UNC79: variants seen among roughly 807,000 people sequenced by gnomAD.
UNC79 encodes the protein protein unc-79 homolog.
A neutral mutation model predicts 283.1 loss-of-function variants in UNC79; 37 were observed. That is an observed-to-expected ratio of 0.13 (90% CI 0.10 to 0.17). The LOEUF (loss-of-function observed/expected upper bound fraction) is 0.17, where lower values mean the gene tolerates loss of function less well. Ranked by LOEUF, UNC79 falls within the 10% of genes least tolerant of loss-of-function variation. The pLI is 1.00. For synonymous variants in UNC79, 1,107 were observed against 1,200.2 expected (o/e 0.92, Z 1.61); for missense variants, 2,272 against 3,211.1 (o/e 0.71, Z 7.07).
At chr14:93,650,298 T>G (rs1163307378) in intron 35 of UNC79, among the ~76,000 whole-genome samples, 1 of 152,106 alleles carries the variant, frequency 6.6e-6, no homozygotes, top group Admixed American at 6.6e-5. Flanking sequence ...TTAAAACAAG[T>G]GTTTTTATTT....
At chr14:93,486,342 A>G (rs1208226152) in intron 4 of UNC79, among the ~76,000 whole-genome samples, 1 of 152,112 alleles carries the variant, frequency 6.6e-6, no homozygotes, top group African/African-American at 2.4e-5. Flanking sequence ...TCCTCTCTCA[A>G]TTACTGTGTT....
chr14:93,367,841 C>T (rs138124344), intron 1 of UNC79, among the ~76,000 whole-genome samples: 3 of 152,232 alleles, frequency 2.0e-5, no homozygotes, highest in South Asian at 2.1e-4. Flanking sequence ...TTTGCCTTCC[C>T]GTAGTCCATG....
intron 47 of UNC79, among the ~76,000 whole-genome samples, chr14:93,697,012 T>C (rs1359889432): frequency 6.6e-6 from 1 of 152,224 alleles, no homozygotes; most frequent in Non-Finnish European, 1.5e-5. Context: ...TCCAGCATCA[T>C]TGTTAAAAAT....
chr14:93,408,304 C>G (rs1346893592), intron 1 of UNC79, among the ~76,000 whole-genome samples: 1 of 152,140 alleles, frequency 6.6e-6, no homozygotes, highest in Non-Finnish European at 1.5e-5. Context: ...GTAGAAAACA[C>G]TAAGAAAGAT....
exon 29 of UNC79, chr14:93,618,311 C>T (rs1375070050): frequency 6.2e-7 from 1 of 1,613,840 alleles, no homozygotes; most frequent in Non-Finnish European, 8.5e-7. Context: ...GACCTTTGTA[C>T]AGTGACAACA....
intron 43 of UNC79, among the ~76,000 whole-genome samples, chr14:93,686,877 T>C (rs1247307591): frequency 6.6e-6 from 1 of 152,172 alleles, no homozygotes; most frequent in Non-Finnish European, 1.5e-5. Flanking sequence ...GCCACATGCA[T>C]AGCTTTACTT....
intron 14 of UNC79, among the ~76,000 whole-genome samples, chr14:93,563,389 C>T (rs1241443880): frequency 1.3e-5 from 2 of 152,180 alleles, no homozygotes; most frequent in African/African-American, 4.8e-5. Context: ...TAAGGAGACA[C>T]TAATGATGGA....
chr14:93,474,177 C>G lies in UNC79; in HGVS notation c.232C>G (p.Pro78Ala). ...CATGTGTCTTTTTCCTGTGCCATTC[C>G]CACTCACCCCATCTCTAAGACCGCA... The change falls in exon 3 of 49, where the codon CCA becomes GCA. Residue 78 changes from proline (P) to alanine (A), a missense_variant. Pro to Ala is a conservative substitution (Grantham distance 27, BLOSUM62 -1). Around this residue, in one of 11 missense-constraint regions of UNC79, gnomAD observed 194 missense variants for 268.9 expected, o/e 0.72. Coordinates refer to ENST00000555664, the Ensembl canonical transcript of UNC79. This position sits in a 1 kb window ranked among gnomAD's most constrained non-coding sequence, Gnocchi z 4.1. 6.5e-7 allele frequency: 1 copy of G among 1,536,036 alleles called. No homozygotes were observed. Among genetic ancestry groups the G allele is most frequent in the Non-Finnish European group, 8.7e-7 (1 of 1,146,842 alleles).
intron 1 of UNC79, 147 bp from the exon 2 acceptor site, chr14:93,467,524 G>C (rs1435152543): frequency 2.0e-6 from 2 of 987,898 alleles, no homozygotes; most frequent in Non-Finnish European, 2.6e-6. Flanking sequence ...ATTTACTTAT[G>C]TTTCTTAAAA....
chr14:93,607,432 GACTA>G (rs2061117671), intron 26 of UNC79, among the ~76,000 whole-genome samples: 1 of 152,220 alleles, frequency 6.6e-6, no homozygotes, highest in Admixed American at 6.5e-5. Flanking sequence ...GGTCACATAT[GACTA>G]ACTAGTTAGG....
chr14:93,585,907 A>T (rs2064192455), intron 20 of UNC79, among the ~76,000 whole-genome samples: 1 of 137,060 alleles, frequency 7.3e-6, no homozygotes. Flanking sequence ...TTTGAGACTG[A>T]GTCTTGCTCT....
intron 38 of UNC79, among the ~76,000 whole-genome samples, chr14:93,658,297 T>C (rs1171747837): frequency 6.6e-6 from 1 of 152,232 alleles, no homozygotes; most frequent in Non-Finnish European, 1.5e-5. Flanking sequence ...CTGAAGGACT[T>C]GCTAAAACAC....
chr14:93,679,962 G>A (rs1264612995), intron 41 of UNC79, among the ~76,000 whole-genome samples: 1 of 152,036 alleles, frequency 6.6e-6, no homozygotes, highest in Non-Finnish European at 1.5e-5. Flanking sequence ...AGAAAACAAA[G>A]ACAGAAAGGT....
intron 26 of UNC79, among the ~76,000 whole-genome samples, chr14:93,611,328 T>TA (rs11374548): frequency 0.62 from 94,686 of 151,988 alleles, 30,560 homozygotes; most frequent in Non-Finnish European, 0.71. Context: ...TAGAGGCTCT[T>TA]ACGCTAAGCT....
chr14:93,396,055 C>T (rs1156244145), intron 1 of UNC79, among the ~76,000 whole-genome samples: 3 of 151,910 alleles, frequency 2.0e-5, no homozygotes, highest in Non-Finnish European at 4.4e-5. Context: ...ATGTCTGAGG[C>T]GCTGTTCATT....
chr14:93,409,120 T>A (rs1184915983), intron 1 of UNC79, among the ~76,000 whole-genome samples: 1 of 152,214 alleles, frequency 6.6e-6, no homozygotes, highest in East Asian at 1.9e-4. Context: ...TAAGTGCAAG[T>A]CAAAACTCTC....
chr14:93,654,355 G>A (rs1206587254), intron 37 of UNC79, among the ~76,000 whole-genome samples: 3 of 151,712 alleles, frequency 2.0e-5, no homozygotes, highest in Non-Finnish European at 4.4e-5. Context: ...AAATTAGCTG[G>A]CATGGTGACA....
At chr14:93,642,294 G>A (rs1028321398) in intron 33 of UNC79, among the ~76,000 whole-genome samples, 2 of 151,954 alleles carry the variant, frequency 1.3e-5, no homozygotes, top group East Asian at 1.9e-4. Flanking sequence ...GCCTGGTGGC[G>A]GGCACGTGTA....
chr14:93,450,791 G>A (rs1163454949), intron 1 of UNC79, among the ~76,000 whole-genome samples: 1 of 151,962 alleles, frequency 6.6e-6, no homozygotes, highest in African/African-American at 2.4e-5. Flanking sequence ...CATTGTGGTG[G>A]GCTCTTTTAA....
Sources: allele counts gnomAD v4.1 joint callset (sites outside exome capture counted in the v4.1 genomes callset), GRCh38; gene constraint gnomAD v4.1.1; regional missense constraint gnomAD v4.1.1; non-coding constraint Gnocchi (gnomAD v3.1); transcripts MANE v1.5; gene names NCBI Gene and HGNC (gene_info 2026-07-23, HGNC 2026-07-21).